The following FAM204A variants were observed in gnomAD, a reference collection of about 807,000 sequenced individuals.
FAM204A encodes family with sequence similarity 204 member A.
Under a neutral mutation model 35.4 loss-of-function variants are expected in FAM204A, and 16 were observed. The ratio of observed to expected loss-of-function variants is 0.45; its 90% confidence interval spans 0.31 to 0.69. FAM204A has a LOEUF of 0.69. Ranked by LOEUF, FAM204A falls within the 30% of genes least tolerant of loss-of-function variation. FAM204A has a pLI of 0.07. For synonymous variants in FAM204A, 76 were observed against 86.9 expected (o/e 0.88, Z 0.70); for missense variants, 240 against 265.7 (o/e 0.90, Z 0.67).
rs1235143423 is a variant in FAM204A, at chr10:118,301,088, T to A, written c.*9769A>T. 6.6e-6 allele frequency: 1 copy of A among 152,212 alleles called. No individual in the cohort carries two copies. The highest frequency in any genetic ancestry group is 2.1e-4 in the South Asian group (1 of 4,836). The allele number at this position is 152,212 out of a possible 1,614,324, so 9.4% of individuals were successfully genotyped here. A position where few individuals can be genotyped will look rare whatever the true frequency, so the allele number is the denominator to read the frequency against. On this transcript the variant is annotated 3_prime_UTR_variant, in exon 9 of 9. Coordinates refer to ENST00000369183, the MANE Select transcript of FAM204A (RefSeq NM_022063.3). ...AAAGCTTTGCTTTCCTGCTGCTGTA[T>A]GTCTTTTGCGTCATCTTCGCATATT...
rs1845870585 is a variant in FAM204A, at chr10:118,306,760, C to T, written c.*4097G>A. 1.3e-5 allele frequency: 2 copies of T among 152,232 alleles called. No individual in the cohort carries two copies. The highest frequency in any genetic ancestry group is 6.5e-5 in the Admixed American group (1 of 15,286). The allele number at this position is 152,232 out of a possible 1,614,324, so 9.4% of individuals were successfully genotyped here. A position where few individuals can be genotyped will look rare whatever the true frequency, so the allele number is the denominator to read the frequency against. On this transcript the variant is annotated 3_prime_UTR_variant, in exon 9 of 9. Transcript: ENST00000369183. Reference sequence around the variant, plus strand: ...ACAGTAGCACAAAATGGTTCAATGCCTTTCCAGGTTTCCTCGTGGCAATCT... The same window carrying T: ...ACAGTAGCACAAAATGGTTCAATGCTTTTCCAGGTTTCCTCGTGGCAATCT...
rs947366053 is a variant in FAM204A, at chr10:118,309,034, A to G, written c.*1823T>C. The G allele has an allele frequency of 6.6e-6, 1 of 152,162 alleles. No homozygotes were observed. Among genetic ancestry groups the G allele is most frequent in the African/African-American group, 2.4e-5 (1 of 41,430 alleles). 9.4% of individuals were successfully genotyped at this position (152,162 alleles called of 1,614,324 possible). Reference sequence around the variant, plus strand: ...ATTGTATAGTGAATATTTCCCCCATAATGGATTTTTAGAGGAAAGGTTTCT... The same window carrying G: ...ATTGTATAGTGAATATTTCCCCCATGATGGATTTTTAGAGGAAAGGTTTCT... On this transcript the variant is annotated 3_prime_UTR_variant, in exon 9 of 9. Coordinates refer to ENST00000369183, the MANE Select transcript of FAM204A (RefSeq NM_022063.3).
intron 7 of FAM204A, among the ~76,000 whole-genome samples, chr10:118,314,643 T>C (rs1442327838): frequency 2.0e-5 from 3 of 152,300 alleles, no homozygotes; most frequent in Admixed American, 2.0e-4. Flanking sequence ...ATCTTCATGC[T>C]CAATGTAAAC....
At chr10:118,335,967 T>A in intron 3 of FAM204A, 3 of 570,798 alleles carry the variant, frequency 5.3e-6, no homozygotes, top group Non-Finnish European at 8.8e-6. Flanking sequence ...GTTTGGGTTT[T>A]TTTTTTTTCC....
Position 118,326,260 on chromosome 10 carries a change from C to T in FAM204A, c.454-17G>A. ...AAGGCCTGACTAGAAAAAAAAGAAA[C>T]CTAAAATTAAGGGCTGGAAGGAAAG... On this transcript the variant is annotated splice_polypyrimidine_tract_variant and intron_variant, in intron 6 of 8. Transcript: ENST00000369183. 2 of 1,603,664 alleles carry T rather than the reference C, an allele frequency of 1.2e-6. No homozygotes were observed. The highest frequency in any genetic ancestry group is 1.1e-5 in the South Asian group (1 of 90,360).
At chr10:118,313,309 G>A (rs924979239) in intron 7 of FAM204A, among the ~76,000 whole-genome samples, 2 of 152,052 alleles carry the variant, frequency 1.3e-5, no homozygotes, top group African/African-American at 4.8e-5. Context: ...CTGTGATGCC[G>A]GCATCTCAAC....
rs1845863228 is a variant in FAM204A, at chr10:118,306,200, T to C, written c.*4657A>G. On this transcript the variant is annotated 3_prime_UTR_variant, in exon 9 of 9. Transcript: ENST00000369183. ...TCACATAGCAGGCCCCCTGCAGCTA[T>C]TCAGCGAGAGGCAGCCCAGGGTCCA... 1 of 152,298 alleles carries C rather than the reference T, an allele frequency of 6.6e-6. No homozygotes were observed. Among genetic ancestry groups the C allele is most frequent in the African/African-American group, 2.4e-5 (1 of 41,474 alleles). The allele number at this position is 152,298 out of a possible 1,614,324, so 9.4% of individuals were successfully genotyped here. A position where few individuals can be genotyped will look rare whatever the true frequency, so the allele number is the denominator to read the frequency against.
chr10:118,331,985 C>A (rs1266367696), intron 6 of FAM204A, among the ~76,000 whole-genome samples: 2 of 150,534 alleles, frequency 1.3e-5, no homozygotes, highest in African/African-American at 2.4e-5. Flanking sequence ...ACCAGCCTGG[C>A]CAATATGGTG....
In FAM204A at chr10:118,308,641, C is replaced by T. The variant is rs948577336; in HGVS notation, c.*2216G>A. On this transcript the variant is annotated 3_prime_UTR_variant, in exon 9 of 9. Transcript: ENST00000369183. Reference sequence around the variant, plus strand: ...TGGCTTCCTTTATTAGATGAGCCCCCGCTATACTTAATTCTGCTGAAATGC... The same window carrying T: ...TGGCTTCCTTTATTAGATGAGCCCCTGCTATACTTAATTCTGCTGAAATGC... 2.6e-5 allele frequency: 4 copies of T among 152,122 alleles called. No individual in the cohort carries two copies. The highest frequency in any genetic ancestry group is 4.4e-5 in the Non-Finnish European group (3 of 68,056). 9.4% of individuals were successfully genotyped at this position (152,122 alleles called of 1,614,324 possible).
intron 6 of FAM204A, among the ~76,000 whole-genome samples, chr10:118,328,441 T>C (rs1846233378): frequency 6.6e-6 from 1 of 151,706 alleles, no homozygotes; most frequent in African/African-American, 2.4e-5. Flanking sequence ...AACTCTAGGC[T>C]GGCGGCCCAG....
chr10:118,299,431 G>A lies in FAM204A; in HGVS notation c.*11426C>T, dbSNP rs1845784669. 8.1e-6 allele frequency: 1 copy of A among 123,448 alleles called. No individual in the cohort carries two copies. Among genetic ancestry groups the A allele is most frequent in the Admixed American group, 8.1e-5 (1 of 12,416 alleles). The allele number at this position is 123,448 out of a possible 1,614,324, so 7.6% of individuals were successfully genotyped here. Reference sequence around the variant, plus strand: ...TTTTTTTTGAGACAGGGTCAGGCTGGACTGCAGTGGTGCGATCACGGCTCA... The same window carrying A: ...TTTTTTTTGAGACAGGGTCAGGCTGAACTGCAGTGGTGCGATCACGGCTCA... On this transcript the variant is annotated 3_prime_UTR_variant, in exon 9 of 9. Coordinates refer to ENST00000369183, the MANE Select transcript of FAM204A (RefSeq NM_022063.3).
chr10:118,335,646 G>C lies in FAM204A; in HGVS notation c.235-5C>G. 6.3e-7 allele frequency: 1 copy of C among 1,584,980 alleles called. No homozygotes were observed. The highest frequency in any genetic ancestry group is 2.2e-5 in the East Asian group (1 of 44,608). On this transcript the variant is annotated splice_region_variant and splice_polypyrimidine_tract_variant and intron_variant, in intron 3 of 8. Coordinates refer to ENST00000369183, the MANE Select transcript of FAM204A (RefSeq NM_022063.3). Reference sequence around the variant, plus strand: ...TTTATGCAATTCTTGAAATTTCTATGTAAAAGAAAAAAAAATTGAGAAGCA... The same window carrying C: ...TTTATGCAATTCTTGAAATTTCTATCTAAAAGAAAAAAAAATTGAGAAGCA...
chr10:118,334,448 T>C (rs1363953564), intron 6 of FAM204A, among the ~76,000 whole-genome samples: 1 of 152,186 alleles, frequency 6.6e-6, no homozygotes, highest in Non-Finnish European at 1.5e-5. Flanking sequence ...ACCATTCTGG[T>C]TCAATTCATC....
rs185536939 is a variant in FAM204A at position 118,336,676 on chromosome 10, C to T, written c.-8-253G>A. On this transcript the variant is annotated intron_variant, in intron 2 of 8. Coordinates refer to ENST00000369183, the MANE Select transcript of FAM204A (RefSeq NM_022063.3). The stretch of plus-strand genomic sequence containing the variant: ...ACAAGTTTGTTACAACATACACCTA[C>T]AGGTAAAGAAAATAGAGCCTTGATT... Among the ~76,000 whole-genome samples, 801 of 152,024 alleles carry T rather than the reference C, an allele frequency of 5.3e-3. 4 individuals are homozygous for T. Among genetic ancestry groups the T allele is most frequent in the African/African-American group, 0.018 (747 of 41,484 alleles).
chr10:118,329,021 A>T (rs552119741), intron 6 of FAM204A, among the ~76,000 whole-genome samples: 3 of 152,126 alleles, frequency 2.0e-5, no homozygotes, highest in Non-Finnish European at 4.4e-5. Flanking sequence ...CTTGCTAATC[A>T]TCTTCACACT....
intron 6 of FAM204A, among the ~76,000 whole-genome samples, chr10:118,331,038 T>C (rs1253886735): frequency 6.6e-6 from 1 of 152,196 alleles, no homozygotes; most frequent in Non-Finnish European, 1.5e-5. Flanking sequence ...CTCCTATTAT[T>C]AAACCTAAAT....
At chr10:118,336,549 T>G (rs997882978) in intron 2 of FAM204A, 126 bp from the exon 3 acceptor site, 6 of 782,634 alleles carry the variant, frequency 7.7e-6, no homozygotes, top group Non-Finnish European at 1.1e-5. Flanking sequence ...CTAAACTTTT[T>G]TTTTTTAATC....
chr10:118,312,159 G>A (rs1279846093), intron 7 of FAM204A, among the ~76,000 whole-genome samples: 3 of 152,202 alleles, frequency 2.0e-5, no homozygotes, highest in African/African-American at 4.8e-5. Context: ...CTTTTAGTGT[G>A]CTCTTAGTTT....
At chr10:118,327,146 C>T (rs1350120667) in intron 6 of FAM204A, among the ~76,000 whole-genome samples, 1 of 152,158 alleles carries the variant, frequency 6.6e-6, no homozygotes, top group Non-Finnish European at 1.5e-5. Context: ...AGTCCTTTAA[C>T]TTCCACATTC....
Sources: allele counts gnomAD v4.1 joint callset (sites outside exome capture counted in the v4.1 genomes callset), GRCh38; gene constraint gnomAD v4.1.1; transcripts MANE v1.5; gene names NCBI Gene and HGNC (gene_info 2026-07-23, HGNC 2026-07-21).